The following SPON1 variants were observed in gnomAD, a reference collection of about 807,000 sequenced individuals.
SPON1 encodes the protein spondin 1.
A neutral mutation model predicts 111.7 loss-of-function variants in SPON1; 52 were observed. The observed-to-expected ratio is 0.47, with a 90% CI of 0.37 to 0.59. SPON1 has a LOEUF of 0.59. Ranked by LOEUF, SPON1 falls within the 20% of genes least tolerant of loss-of-function variation. The pLI is 0.00. For synonymous variants in SPON1, 410 were observed against 395.8 expected, an observed-to-expected ratio of 1.04 and a Z score of -0.43; for missense variants, 957 against 1,068.5, an observed-to-expected ratio of 0.90 and a Z score of 1.46.
intron 5 of SPON1, among the ~76,000 whole-genome samples, chr11:14,131,625 T>G (rs1847530911): frequency 6.6e-6 from 1 of 152,240 alleles, no homozygotes; most frequent in South Asian, 2.1e-4. Flanking sequence ...CACAATTCTT[T>G]CGAAAACTAT....
chr11:14,188,499 A>G (rs1471650389), intron 6 of SPON1, among the ~76,000 whole-genome samples: 1 of 152,168 alleles, frequency 6.6e-6, no homozygotes, highest in Non-Finnish European at 1.5e-5. Flanking sequence ...TAATTGACTC[A>G]TTTTACTCTG....
chr11:14,001,654 G>A (rs946339489), intron 2 of SPON1, among the ~76,000 whole-genome samples: 3 of 152,136 alleles, frequency 2.0e-5, no homozygotes, highest in African/African-American at 4.8e-5. Flanking sequence ...CATCAACAAG[G>A]CTCAGTATAA....
chr11:14,133,160 A>C lies in SPON1; in HGVS notation c.677-2260A>C, dbSNP rs149220944. 2.8e-3 allele frequency among the ~76,000 whole-genome samples: 433 copies of C among 152,318 alleles called. 1 individual carries two copies. The highest frequency in any genetic ancestry group is 9.5e-3 in the African/African-American group (396 of 41,578). On this transcript the variant is annotated intron_variant, in intron 5 of 15. Coordinates refer to ENST00000576479, the MANE Select transcript of SPON1 (RefSeq NM_006108.4). ...AGCAGGTGTCAGGAACTCTGCTGAA[A>C]TAAGACTTGAATTTAATCACGGTGA...
chr11:14,031,239 C>T (rs1327880566), intron 2 of SPON1, among the ~76,000 whole-genome samples: 1 of 152,140 alleles, frequency 6.6e-6, no homozygotes, highest in Admixed American at 6.5e-5. Flanking sequence ...TGAAAGACTA[C>T]CTTTTGTGTA....
At chr11:14,206,253 G>A (rs11826945) in intron 6 of SPON1, among the ~76,000 whole-genome samples, 51,283 of 151,820 alleles carry the variant, frequency 0.34, 9,020 homozygotes, top group Admixed American at 0.44. Context: ...GAATGCAGTG[G>A]CACGATCTTG....
intron 2 of SPON1, among the ~76,000 whole-genome samples, chr11:14,015,927 C>T (rs561063959): frequency 5.3e-5 from 8 of 152,290 alleles, no homozygotes; most frequent in African/African-American, 1.4e-4. Context: ...CATGTTGCCA[C>T]GGATTCTAGG....
At chr11:13,997,255 A>G (rs1384995429) in intron 2 of SPON1, among the ~76,000 whole-genome samples, 1 of 152,182 alleles carries the variant, frequency 6.6e-6, no homozygotes. Flanking sequence ...TGCTCTAACT[A>G]CTCAGAAAGG....
intron 2 of SPON1, among the ~76,000 whole-genome samples, chr11:13,985,014 C>T (rs782485369): frequency 6.6e-6 from 1 of 152,206 alleles, no homozygotes; most frequent in African/African-American, 2.4e-5. Context: ...GGACCAGCAG[C>T]ATCAGCAACA....
At chr11:14,128,026 C>T (rs1281002394) in intron 5 of SPON1, among the ~76,000 whole-genome samples, 1 of 152,208 alleles carries the variant, frequency 6.6e-6, no homozygotes, top group African/African-American at 2.4e-5. Flanking sequence ...CAGGTCCCTC[C>T]CTCGACATGT....
intron 5 of SPON1, among the ~76,000 whole-genome samples, chr11:14,123,986 TA>T (rs1554926771): frequency 9.9e-5 from 15 of 152,242 alleles, no homozygotes; most frequent in African/African-American, 3.1e-4. Flanking sequence ...CAGTGCCACT[TA>T]CTTAATCAGA....
intron 2 of SPON1, among the ~76,000 whole-genome samples, chr11:14,015,643 T>A (rs1159514796): frequency 6.6e-6 from 1 of 152,240 alleles, no homozygotes; most frequent in Non-Finnish European, 1.5e-5. Flanking sequence ...ATGTCAAAGA[T>A]GTGGTTGATT....
chr11:14,258,331 TTG>T (rs1486267549), intron 11 of SPON1, among the ~76,000 whole-genome samples: 8 of 152,228 alleles, frequency 5.3e-5, no homozygotes, highest in Admixed American at 4.6e-4. Flanking sequence ...TCTCACTTCT[TTG>T]TGTCAGGACC....
intron 5 of SPON1, among the ~76,000 whole-genome samples, chr11:14,134,120 C>T (rs1411104384): frequency 6.6e-6 from 1 of 151,324 alleles, no homozygotes; most frequent in African/African-American, 2.4e-5. Context: ...CCACTCTGGG[C>T]CACAGGATGG....
chr11:14,173,951 G>A lies in SPON1; in HGVS notation c.825+38383G>A, dbSNP rs200881579. 1.9e-4 allele frequency among the ~76,000 whole-genome samples: 29 copies of A among 152,320 alleles called. No homozygotes were observed. In the East Asian group the frequency reaches 5.4e-3, roughly 28 times the overall value. On this transcript the variant is annotated intron_variant, in intron 6 of 15. Transcript: ENST00000576479. Reference sequence around the variant, plus strand: ...CTCGGGTGTCAGGGACCCACTTGAGGAGGCAGTCTGCCCAGTGCTTGTAAA... The same window carrying A: ...CTCGGGTGTCAGGGACCCACTTGAGAAGGCAGTCTGCCCAGTGCTTGTAAA...
At chr11:14,195,395 C>A (rs568895457) in intron 6 of SPON1, among the ~76,000 whole-genome samples, 13 of 151,898 alleles carry the variant, frequency 8.6e-5, no homozygotes, top group Non-Finnish European at 1.5e-4. Context: ...ATGGCAAAGA[C>A]AAAAATGATT....
chr11:14,007,987 A>G (rs12281473), intron 2 of SPON1, among the ~76,000 whole-genome samples: 4,605 of 152,234 alleles, frequency 0.03, 243 homozygotes, highest in African/African-American at 0.1. Flanking sequence ...ATCTCCTCTC[A>G]AGATCCTTAA....
chr11:14,022,771 G>A (rs1454834270), intron 2 of SPON1, among the ~76,000 whole-genome samples: 1 of 152,216 alleles, frequency 6.6e-6, no homozygotes, highest in Non-Finnish European at 1.5e-5. Flanking sequence ...TCATAGGGAA[G>A]AGAAGGCAAT....
chr11:14,266,716 T>G lies in SPON1; in HGVS notation c.*1029T>G, dbSNP rs1849274065. On this transcript the variant is annotated 3_prime_UTR_variant, in exon 16 of 16. Transcript: ENST00000576479. The stretch of plus-strand genomic sequence containing the variant: ...CTGTACTTTAAAGTTATTTTAGTCA[T>G]GAAATTTTATATGCAGAGAGAAAAA... The G allele has an allele frequency of 6.6e-6, 1 of 152,152 alleles. No individual in the cohort carries two copies. The highest frequency in any genetic ancestry group is 1.5e-5 in the Non-Finnish European group (1 of 68,016). The allele number at this position is 152,152 out of a possible 1,614,324, so 9.4% of individuals were successfully genotyped here.
chr11:14,183,560 A>G (rs1420959592), intron 6 of SPON1, among the ~76,000 whole-genome samples: 1 of 152,182 alleles, frequency 6.6e-6, no homozygotes, highest in Non-Finnish European at 1.5e-5. Context: ...CTGTCTCAGC[A>G]TGTTAGAGTT....
Sources: allele counts gnomAD v4.1 joint callset (sites outside exome capture counted in the v4.1 genomes callset), GRCh38; gene constraint gnomAD v4.1.1; transcripts MANE v1.5; gene names NCBI Gene and HGNC (gene_info 2026-07-23, HGNC 2026-07-21).